HDAC9: variants seen among roughly 807,000 people sequenced by gnomAD.
HDAC9 encodes MEF-2 interacting transcription repressor (MITR) protein.
In HDAC9, 41 loss-of-function variants were observed where a neutral mutation model predicts 139.4. The ratio of observed to expected loss-of-function variants is 0.29; its 90% CI spans 0.23 to 0.38. HDAC9 has a LOEUF of 0.38. HDAC9 is among the 10% of genes least tolerant of loss of function. The pLI, the probability that HDAC9 is intolerant of heterozygous loss-of-function variation, is 1.00. For missense variants in HDAC9, 1,147 were observed against 1,297.0 expected, an observed-to-expected ratio of 0.88 and a Z score of 1.78; for synonymous variants, 517 against 476.2, an observed-to-expected ratio of 1.09 and a Z score of -1.12.
intron 1 of HDAC9, among the ~76,000 whole-genome samples, chr7:18,160,950 A>C (rs1000890366): frequency 6.6e-6 from 1 of 152,112 alleles, no homozygotes; most frequent in Non-Finnish European, 1.5e-5. Context: ...CAGAATGTCC[A>C]TTTCTTGATA....
intron 17 of HDAC9, among the ~76,000 whole-genome samples, chr7:18,825,616 C>G (rs989005123): frequency 1.3e-5 from 2 of 151,652 alleles, no homozygotes; most frequent in Non-Finnish European, 2.9e-5. Context: ...GACAGACCAC[C>G]TTTTCAAGAA....
chr7:18,641,360 C>T (rs1785542713), intron 8 of HDAC9, among the ~76,000 whole-genome samples: 1 of 152,022 alleles, frequency 6.6e-6, no homozygotes. Context: ...CAACATAATG[C>T]TCCTTCCTCT....
intron 21 of HDAC9, among the ~76,000 whole-genome samples, chr7:18,847,761 G>A (rs568867108): frequency 6.6e-6 from 1 of 152,290 alleles, no homozygotes; most frequent in African/African-American, 2.4e-5. Flanking sequence ...CTCTGCCTTT[G>A]GTCCAACTGG....
intron 2 of HDAC9, among the ~76,000 whole-genome samples, chr7:18,577,895 A>G (rs1004453910): frequency 2.0e-5 from 3 of 152,138 alleles, no homozygotes; most frequent in African/African-American, 7.2e-5. Context: ...AATACATAAC[A>G]TGGATAGAAA....
intron 9 of HDAC9, among the ~76,000 whole-genome samples, chr7:18,647,243 G>T (rs1472304748): frequency 6.6e-6 from 1 of 152,010 alleles, no homozygotes; most frequent in Non-Finnish European, 1.5e-5. Flanking sequence ...CACTTATTAA[G>T]CCTGAAATAA....
At chr7:18,133,640 A>C (rs750822113) in intron 1 of HDAC9, among the ~76,000 whole-genome samples, 1 of 152,106 alleles carries the variant, frequency 6.6e-6, no homozygotes, top group Non-Finnish European at 1.5e-5. Flanking sequence ...TTTTTAAATG[A>C]CTTAATGGGC....
rs564361939 is a variant in HDAC9 at position 18,992,189 on chromosome 7, C to T, written c.3171-3834C>T. On this transcript the variant is annotated intron_variant, in intron 25 of 25. Transcript: ENST00000686413. ...ATTCTCAGCATAAGTCTTTAGAGTA[C>T]GTATACTAGGAAGTTCACTACAGCT... Among the ~76,000 whole-genome samples, 24 of 152,210 alleles carry T rather than the reference C, an allele frequency of 1.6e-4. No homozygotes were observed. The South Asian group carries it at 2.1e-3, about 13-fold the overall frequency.
intron 2 of HDAC9, among the ~76,000 whole-genome samples, chr7:18,513,439 C>T (rs567932244): frequency 6.6e-6 from 1 of 152,294 alleles, no homozygotes; most frequent in African/African-American, 2.4e-5. Context: ...CCAAGTTAGT[C>T]ACTGAATAGT....
chr7:18,913,586 C>T (rs762889512), intron 22 of HDAC9, among the ~76,000 whole-genome samples: 7 of 152,002 alleles, frequency 4.6e-5, no homozygotes, highest in East Asian at 1.9e-4. Flanking sequence ...AATAAGAGGA[C>T]GCTTATAGCA....
intron 19 of HDAC9, among the ~76,000 whole-genome samples, chr7:18,830,313 T>C (rs1308880198): frequency 6.6e-6 from 1 of 152,136 alleles, no homozygotes; most frequent in Non-Finnish European, 1.5e-5. Context: ...TGCCTCCAGT[T>C]CTCAAGGAGG....
chr7:18,748,674 A>G (rs1030332311), intron 13 of HDAC9, among the ~76,000 whole-genome samples: 2 of 152,234 alleles, frequency 1.3e-5, no homozygotes, highest in African/African-American at 4.8e-5. Flanking sequence ...AAAACAATTC[A>G]TAATGATTTA....
chr7:18,561,274 G>T (rs1222226166), intron 2 of HDAC9, among the ~76,000 whole-genome samples: 4 of 152,098 alleles, frequency 2.6e-5, no homozygotes, highest in African/African-American at 9.7e-5. Flanking sequence ...CACTAATATG[G>T]CATTGGCAAC....
At chr7:18,984,010 C>T (rs1253488233) in intron 25 of HDAC9, among the ~76,000 whole-genome samples, 4 of 151,948 alleles carry the variant, frequency 2.6e-5, no homozygotes, top group African/African-American at 7.3e-5. Context: ...AAATATTCAC[C>T]GACCACTAAC....
At chr7:18,990,905 G>A (rs917928579) in intron 25 of HDAC9, among the ~76,000 whole-genome samples, 12 of 152,322 alleles carry the variant, frequency 7.9e-5, no homozygotes, top group East Asian at 3.9e-4. Context: ...GCTTGGGCTC[G>A]CGCATGGAGC....
At chr7:18,937,450 T>C (rs139874477) in intron 23 of HDAC9, among the ~76,000 whole-genome samples, 1 of 152,316 alleles carries the variant, frequency 6.6e-6, no homozygotes, top group East Asian at 1.9e-4. Context: ...TGTAAAATTT[T>C]CTAAAATGTT....
intron 1 of HDAC9, among the ~76,000 whole-genome samples, chr7:18,360,544 G>A (rs1046033526): frequency 9.9e-5 from 15 of 152,034 alleles, no homozygotes; most frequent in African/African-American, 2.9e-4. Context: ...AAGAATTACC[G>A]TTTCAAGTGC....
At chr7:18,505,378 T>C (rs1006403886) in intron 2 of HDAC9, among the ~76,000 whole-genome samples, 1 of 152,220 alleles carries the variant, frequency 6.6e-6, no homozygotes, top group African/African-American at 2.4e-5. Context: ...TACCTTGAAA[T>C]GTAAGGTTAA....
intron 12 of HDAC9, 95 bp downstream of exon 12, chr7:18,666,571 A>G (rs1271363631): frequency 2.6e-6 from 4 of 1,515,452 alleles, no homozygotes; most frequent in Admixed American, 2.1e-5. Flanking sequence ...ATGATTTCCT[A>G]TCAGTTTATA....
intron 11 of HDAC9, among the ~76,000 whole-genome samples, chr7:18,664,547 A>T (rs899399262): frequency 2.0e-5 from 3 of 152,068 alleles, no homozygotes; most frequent in African/African-American, 7.2e-5. Flanking sequence ...TTGGTGACTT[A>T]GATGCGCTGG....
Sources: allele counts gnomAD v4.1 joint callset (sites outside exome capture counted in the v4.1 genomes callset), GRCh38; gene constraint gnomAD v4.1.1; transcripts MANE v1.5; gene names NCBI Gene and HGNC (gene_info 2026-07-23, HGNC 2026-07-21).